Variants in RAB27B observed in about 807,000 individuals in gnomAD.
RAB27B encodes the protein RAB27B, member RAS oncogene family, also known as ras-related protein Rab-27B.
RAB27B carries 15 observed loss-of-function variants against 24.6 expected under a neutral mutation model. That is an observed-to-expected ratio of 0.61 (90% CI 0.41 to 0.94). RAB27B has a LOEUF of 0.94. Among genes scored for constraint, RAB27B ranks in the 40% least tolerant of loss-of-function variants. The pLI is 0.00. For synonymous variants in RAB27B, 105 were observed against 92.5 expected, an observed-to-expected ratio of 1.14 and a Z score of -0.78; for missense variants, 261 against 266.8, an observed-to-expected ratio of 0.98 and a Z score of 0.15.
intron 3 of RAB27B, among the ~76,000 whole-genome samples, chr18:54,882,677 T>C (rs1912974879): frequency 6.6e-6 from 1 of 152,134 alleles, no homozygotes; most frequent in South Asian, 2.1e-4. Context: ...GACCAGCATG[T>C]GTGAAAGCCC....
At chr18:54,756,844 T>A (rs1464845967) in intron 2 of RAB27B, among the ~76,000 whole-genome samples, 1 of 152,188 alleles carries the variant, frequency 6.6e-6, no homozygotes, top group East Asian at 1.9e-4. Context: ...TCTGTACCTA[T>A]CATCATAGTA....
chr18:54,881,930 C>A (rs1030579235), intron 3 of RAB27B, among the ~76,000 whole-genome samples: 1 of 152,106 alleles, frequency 6.6e-6, no homozygotes, highest in South Asian at 2.1e-4. Context: ...TCAAATGAGA[C>A]ACACACACTT....
At chr18:54,777,445 C>T (rs1908751487) in intron 2 of RAB27B, among the ~76,000 whole-genome samples, 1 of 152,136 alleles carries the variant, frequency 6.6e-6, no homozygotes, top group African/African-American at 2.4e-5. Flanking sequence ...TTTCTGCAGC[C>T]CAGTGTGCAT....
At chr18:54,774,932 A>G (rs766579032) in intron 2 of RAB27B, among the ~76,000 whole-genome samples, 3 of 152,200 alleles carry the variant, frequency 2.0e-5, no homozygotes, top group African/African-American at 7.2e-5. Context: ...CCCTGAGCCT[A>G]GAACTATACC....
Position 54,875,011 on chromosome 18 carries a change from A to G in RAB27B, c.-19-2556A>G, listed in dbSNP as rs139191430. Among the ~76,000 whole-genome samples the G allele has an allele frequency of 1.6e-3, 243 of 152,254 alleles. 1 individual carries two copies. The highest frequency in any genetic ancestry group is 2.5e-3 in the Non-Finnish European group (169 of 68,006). On this transcript the variant is annotated intron_variant, in intron 1 of 5. Transcript: ENST00000262094. The stretch of plus-strand genomic sequence containing the variant: ...AAGAATAAGAGCAGCAACATATTCA[A>G]TGATACAGTCCTGGTAAAATATTTT...
intron 4 of RAB27B, among the ~76,000 whole-genome samples, chr18:54,886,609 A>G (rs1291322973): frequency 1.3e-5 from 2 of 152,046 alleles, no homozygotes; most frequent in Non-Finnish European, 2.9e-5. Context: ...ATTGTATTTC[A>G]TTACCCAAAT....
rs191225372 is a variant in RAB27B at position 54,823,468 on chromosome 18, T to C, written c.-19-54099T>C. On this transcript the variant is annotated intron_variant, in intron 2 of 4. Coordinates refer to the RAB27B transcript ENST00000586570. ...GAGGATGGTGAAGGATGAAAGGCAT[T>C]ATCATGACCAGAAGGTCAGTGACTC... 1.3e-3 allele frequency among the ~76,000 whole-genome samples: 200 copies of C among 152,300 alleles called. 5 individuals carry two copies. The South Asian group carries it at 0.035, about 27-fold the overall frequency.
intron 2 of RAB27B, among the ~76,000 whole-genome samples, chr18:54,753,819 C>T (rs974832230): frequency 2.0e-5 from 3 of 152,100 alleles, no homozygotes; most frequent in African/African-American, 4.8e-5. Flanking sequence ...AGTAGTTTTG[C>T]CATTTTATAA....
chr18:54,761,716 T>C lies in RAB27B; in HGVS notation c.-20+43575T>C, dbSNP rs140164196. ...TAATCCAATGTGTCAATAAATCTCA[T>C]TGGCTCTATTTAAAAATCTAAAATA... On this transcript the variant is annotated intron_variant, in intron 2 of 4. Coordinates refer to the RAB27B transcript ENST00000586570. Among the ~76,000 whole-genome samples, 6 of 152,298 alleles carry C rather than the reference T, an allele frequency of 3.9e-5. No homozygotes were observed. In the South Asian group the frequency reaches 6.2e-4, roughly 16 times the overall value.
chr18:54,805,910 C>G (rs1048377575), intron 2 of RAB27B, among the ~76,000 whole-genome samples: 30 of 152,130 alleles, frequency 2.0e-4, no homozygotes, highest in Non-Finnish European at 4.3e-4. Flanking sequence ...AAGTACCACT[C>G]CATCAAAATC....
At chr18:54,876,110 A>C (rs1480582345) in intron 1 of RAB27B, among the ~76,000 whole-genome samples, 1 of 152,062 alleles carries the variant, frequency 6.6e-6, no homozygotes, top group Admixed American at 6.5e-5. Flanking sequence ...AAAGCTAGGC[A>C]CCTTCTTCAC....
intron 1 of RAB27B, among the ~76,000 whole-genome samples, chr18:54,862,901 ATTAC>A (rs1026257932): frequency 2.3e-4 from 35 of 152,340 alleles, no homozygotes; most frequent in African/African-American, 8.4e-4. Flanking sequence ...TAAATCATAA[ATTAC>A]TTTATTTGTG....
chr18:54,840,130 G>A (rs1911050924), intron 1 of RAB27B, among the ~76,000 whole-genome samples: 1 of 152,148 alleles, frequency 6.6e-6, no homozygotes, highest in South Asian at 2.1e-4. Flanking sequence ...ATTTTATCAT[G>A]AAGGTAAGAT....
At position 54,877,572 on chromosome 18, in the gene RAB27B, C is replaced by T; in HGVS notation, c.-14C>T. 1 of 1,524,544 alleles carries T rather than the reference C, an allele frequency of 6.6e-7. No individual in the cohort carries two copies. 94.4% of individuals were successfully genotyped at this position (1,524,544 alleles called of 1,614,324 possible). A position where few individuals can be genotyped will look rare whatever the true frequency, so the allele number is the denominator to read the frequency against. On this transcript the variant is annotated 5_prime_UTR_variant, in exon 2 of 6. Coordinates refer to ENST00000262094, the MANE Select transcript of RAB27B (RefSeq NM_004163.4). Reference sequence around the variant, plus strand: ...GTTTTCCCTCTCCTATACAGACCGACCAAGACCATCACTATGACCGATGGA... The same window carrying T: ...GTTTTCCCTCTCCTATACAGACCGATCAAGACCATCACTATGACCGATGGA...
Position 54,783,481 on chromosome 18 carries a change from TTGTGTG to T in RAB27B, c.-20+65362_-20+65367del, listed in dbSNP as rs34288200. ...AATGTTAATTATGAAGCCTATGGCT[TTGTGTG>T]TGTGTGTGTGTGTGTGTGTGTATGT... On this transcript the variant is annotated intron_variant, in intron 2 of 4. Transcript: ENST00000586570. Among the ~76,000 whole-genome samples, 296 of 149,782 alleles carry T rather than the reference TTGTGTG, an allele frequency of 2.0e-3. 2 individuals are homozygous for T. The highest frequency in any genetic ancestry group is 6.8e-3 in the Middle Eastern group (2 of 292).
intron 2 of RAB27B, among the ~76,000 whole-genome samples, chr18:54,821,959 G>T (rs1039866880): frequency 6.6e-6 from 1 of 152,090 alleles, no homozygotes; most frequent in Non-Finnish European, 1.5e-5. Flanking sequence ...CACCATGTCG[G>T]CCAGGCTGGT....
intron 3 of RAB27B, chr18:54,880,036 C>T (rs1912860279): frequency 1.3e-5 from 2 of 152,914 alleles, no homozygotes; most frequent in Admixed American, 1.3e-4. Flanking sequence ...CAAACTCCCA[C>T]TTTTACTCTG....
At chr18:54,869,338 CA>C (rs1334944268) in intron 1 of RAB27B, among the ~76,000 whole-genome samples, 2 of 152,192 alleles carry the variant, frequency 1.3e-5, no homozygotes, top group Non-Finnish European at 2.9e-5. Flanking sequence ...TTTAAAAACA[CA>C]TTGAATTCAG....
intron 2 of RAB27B, among the ~76,000 whole-genome samples, chr18:54,750,254 A>C (rs1185114422): frequency 2.0e-5 from 3 of 152,168 alleles, no homozygotes; most frequent in African/African-American, 7.2e-5. Flanking sequence ...CAAATATTCT[A>C]TTTACAGTCA....
Sources: allele counts gnomAD v4.1 joint callset (sites outside exome capture counted in the v4.1 genomes callset), GRCh38; gene constraint gnomAD v4.1.1; transcripts MANE v1.5; gene names NCBI Gene and HGNC (gene_info 2026-07-23, HGNC 2026-07-21).